The following TBX15 variants were observed in gnomAD, a reference collection of about 807,000 sequenced individuals.
TBX15 encodes the protein T-box transcription factor 15.
Under a neutral mutation model 53.9 loss-of-function variants are expected in TBX15, and 18 were observed. The observed-to-expected ratio is 0.33, with a 90% CI of 0.23 to 0.49. TBX15 has a LOEUF of 0.49. TBX15 is among the 20% of genes least tolerant of loss of function. TBX15 has a pLI of 0.98. For missense variants in TBX15, 692 were observed against 749.5 expected, an observed-to-expected ratio of 0.92 and a Z score of 0.90; for synonymous variants, 295 against 278.0, an observed-to-expected ratio of 1.06 and a Z score of -0.61.
At chr1:118,956,146 C>T (rs1656683015) in intron 1 of TBX15, among the ~76,000 whole-genome samples, 1 of 152,208 alleles carries the variant, frequency 6.6e-6, no homozygotes, top group Non-Finnish European at 1.5e-5. Context: ...CCACCTTGAT[C>T]TTGGACTTCC....
intron 1 of TBX15, among the ~76,000 whole-genome samples, chr1:118,933,200 C>T (rs535061107): frequency 1.2e-4 from 19 of 152,174 alleles, no homozygotes; most frequent in African/African-American, 4.3e-4. Flanking sequence ...TCTTGCAACC[C>T]CAGGCAGCAT....
intron 1 of TBX15, among the ~76,000 whole-genome samples, chr1:118,939,622 T>C (rs1656100041): frequency 6.7e-6 from 1 of 149,606 alleles, no homozygotes; most frequent in Non-Finnish European, 1.5e-5. Context: ...ATGGGATTCA[T>C]ACCCTAAACC....
chr1:118,934,428 A>G (rs1655897990), intron 1 of TBX15, among the ~76,000 whole-genome samples: 1 of 152,218 alleles, frequency 6.6e-6, no homozygotes, highest in Non-Finnish European at 1.5e-5. Context: ...AATCAAATCA[A>G]TCAATAAGCA....
intron 1 of TBX15, among the ~76,000 whole-genome samples, chr1:118,957,792 G>A (rs1011582920): frequency 6.6e-6 from 1 of 152,122 alleles, no homozygotes; most frequent in African/African-American, 2.4e-5. Flanking sequence ...CCCTACAAAG[G>A]ACATGAACTC....
chr1:118,924,543 A>C, intron 4 of TBX15, 103 bp downstream of exon 4: 38 of 1,364,260 alleles, frequency 2.8e-5, no homozygotes, highest in Non-Finnish European at 4.0e-5. Flanking sequence ...AAAGTGGCAT[A>C]GAGATTCCTT....
chr1:118,964,041 AC>A (rs1433463081), intron 1 of TBX15, among the ~76,000 whole-genome samples: 1 of 152,168 alleles, frequency 6.6e-6, no homozygotes, highest in Non-Finnish European at 1.5e-5. Flanking sequence ...CATTTAAGCC[AC>A]CCCAGCTGAG....
Position 118,926,628 on chromosome 1 carries a change from A to T in TBX15, c.420-17T>A. 6.2e-7 allele frequency: 1 copy of T among 1,606,574 alleles called. No homozygotes were observed. Among genetic ancestry groups the T allele is most frequent in the Non-Finnish European group, 8.5e-7 (1 of 1,173,910 alleles). On this transcript the variant is annotated splice_polypyrimidine_tract_variant and intron_variant, in intron 2 of 7. Transcript: ENST00000369429. ...AACATCCTCCTATGAAGATGAATAA[A>T]ACAGAAAGCTCAGAAATCAGGGTGG...
chr1:118,958,593 G>A (rs561429803), intron 1 of TBX15, among the ~76,000 whole-genome samples: 6 of 151,738 alleles, frequency 4.0e-5, no homozygotes, highest in African/African-American at 7.3e-5. Flanking sequence ...TTTTGCCTCC[G>A]CATGGTCCTG....
chr1:118,890,789 C>G, intron 7 of TBX15: 3 of 837,596 alleles, frequency 3.6e-6, no homozygotes, highest in Non-Finnish European at 5.0e-6. Flanking sequence ...GTGCTTTTCT[C>G]CCTCCTCCCC....
chr1:118,908,395 AT>A (rs1456012179), intron 6 of TBX15, among the ~76,000 whole-genome samples: 2 of 146,196 alleles, frequency 1.4e-5, no homozygotes, highest in African/African-American at 2.5e-5. Context: ...AAAAAAAAAA[AT>A]CTCAAGCTGA....
chr1:118,963,112 A>G (rs778523673), intron 1 of TBX15, among the ~76,000 whole-genome samples: 33 of 152,218 alleles, frequency 2.2e-4, no homozygotes, highest in Non-Finnish European at 4.0e-4. Flanking sequence ...TTCTTGTTGA[A>G]AAAGAAAAGT....
chr1:118,923,108 A>T (rs987937086), intron 5 of TBX15, among the ~76,000 whole-genome samples: 2 of 151,552 alleles, frequency 1.3e-5, no homozygotes, highest in African/African-American at 4.9e-5. Context: ...AATCTTAATT[A>T]TTACAGTTTT....
intron 7 of TBX15, among the ~76,000 whole-genome samples, chr1:118,893,573 GGAAAGAAA>G (rs1207365757): frequency 3.4e-4 from 35 of 103,520 alleles, no homozygotes; most frequent in African/African-American, 1.7e-3. Context: ...AAGGAAGGAA[GGAAAGAAA>G]GAAAGGAAGG....
intron 1 of TBX15, among the ~76,000 whole-genome samples, chr1:118,976,535 A>C (rs1468257221): frequency 6.6e-6 from 1 of 152,214 alleles, no homozygotes; most frequent in Non-Finnish European, 1.5e-5. Context: ...ACATGCTTGC[A>C]TTATTCCACT....
intron 1 of TBX15, among the ~76,000 whole-genome samples, chr1:118,946,530 T>C (rs1656353181): frequency 6.6e-6 from 1 of 152,196 alleles, no homozygotes; most frequent in African/African-American, 2.4e-5. Context: ...TATTCTGCTG[T>C]AACAAAATGC....
intron 1 of TBX15, among the ~76,000 whole-genome samples, chr1:118,959,874 A>G (rs1656807688): frequency 6.6e-6 from 1 of 152,144 alleles, no homozygotes; most frequent in Non-Finnish European, 1.5e-5. Flanking sequence ...CACCTGGAAT[A>G]TAGTACCTTG....
intron 6 of TBX15, among the ~76,000 whole-genome samples, chr1:118,910,596 C>T (rs1477151323): frequency 6.6e-6 from 1 of 152,062 alleles, no homozygotes; most frequent in Non-Finnish European, 1.5e-5. Flanking sequence ...AATTGTTGCC[C>T]TTATCAGATC....
upstream of TBX15, chr1:118,989,461 CG>C (rs1000026876): frequency 6.6e-5 from 10 of 152,164 alleles, no homozygotes; most frequent in African/African-American, 2.4e-4. Context: ...AAAAACGTCT[CG>C]GATTTCGCGG....
intron 7 of TBX15, among the ~76,000 whole-genome samples, chr1:118,895,287 T>C (rs983005009): frequency 6.6e-6 from 1 of 152,190 alleles, no homozygotes; most frequent in African/African-American, 2.4e-5. Context: ...CTTTTGTAAA[T>C]GGTGGATCCC....
Sources: allele counts gnomAD v4.1 joint callset (sites outside exome capture counted in the v4.1 genomes callset), GRCh38; gene constraint gnomAD v4.1.1; transcripts MANE v1.5; gene names NCBI Gene and HGNC (gene_info 2026-07-23, HGNC 2026-07-21).